Variants in FRMD6 observed in about 807,000 individuals in gnomAD.
FRMD6 encodes the protein FERM domain containing 6, also known as FERM domain-containing protein 6.
In FRMD6, 37 loss-of-function variants were observed where a neutral mutation model predicts 73.2. The observed-to-expected ratio is 0.51, with a 90% CI of 0.39 to 0.66. FRMD6 has a LOEUF of 0.66. Ranked by LOEUF, FRMD6 falls within the 30% of genes least tolerant of loss-of-function variation. FRMD6 has a pLI of 0.00. For missense variants in FRMD6, 714 were observed against 780.5 expected (o/e 0.91, Z 1.02); for synonymous variants, 273 against 282.2 (o/e 0.97, Z 0.33).
intron 3 of FRMD6, among the ~76,000 whole-genome samples, chr14:51,700,545 T>C (rs1447570998): frequency 1.3e-5 from 2 of 152,054 alleles, no homozygotes; most frequent in Non-Finnish European, 2.9e-5. Context: ...GGACAAGAAA[T>C]AGTCTTAAAG....
chr14:51,544,665 C>T (rs1273360815), intron 1 of FRMD6, among the ~76,000 whole-genome samples: 1 of 151,086 alleles, frequency 6.6e-6, no homozygotes, highest in African/African-American at 2.4e-5. Context: ...CGTCTATTAT[C>T]TACTGTTTAC....
chr14:51,643,273 G>C (rs2140039475), intron 2 of FRMD6, among the ~76,000 whole-genome samples: 1 of 152,312 alleles, frequency 6.6e-6, no homozygotes, highest in African/African-American at 2.4e-5. Flanking sequence ...CAGGATTTCA[G>C]AGTGGGATGA....
chr14:51,471,896 C>A, the FRMD6 span, among the ~76,000 whole-genome samples: 2 of 152,144 alleles, frequency 1.3e-5, no homozygotes, highest in Non-Finnish European at 2.9e-5. Context: ...ATTTTATGCC[C>A]TTATAAAGGG....
upstream of FRMD6, among the ~76,000 whole-genome samples, chr14:51,647,886 C>T (rs896537262): frequency 3.3e-5 from 5 of 152,118 alleles, no homozygotes; most frequent in South Asian, 4.1e-4. Flanking sequence ...AGTGCAATGG[C>T]GCGATCTTAG....
At chr14:51,577,652 AAG>A (rs1888480315) in intron 2 of FRMD6, among the ~76,000 whole-genome samples, 8 of 152,210 alleles carry the variant, frequency 5.3e-5, no homozygotes, top group Admixed American at 4.6e-4. Flanking sequence ...TCTGCATGGA[AAG>A]TAGGAGAGGA....
the FRMD6 span, among the ~76,000 whole-genome samples, chr14:51,401,411 GT>G: frequency 6.6e-6 from 1 of 152,172 alleles, no homozygotes; most frequent in Admixed American, 6.5e-5. Context: ...TCTGCTTTGG[GT>G]TTGGCGGACA....
chr14:51,477,593 T>C, the FRMD6 span, among the ~76,000 whole-genome samples: 2 of 152,100 alleles, frequency 1.3e-5, no homozygotes, highest in Non-Finnish European at 2.9e-5. Context: ...TGACAGATGC[T>C]GTTGAAAAAA....
chr14:51,561,702 A>C (rs1887490330), intron 1 of FRMD6, among the ~76,000 whole-genome samples: 1 of 152,332 alleles, frequency 6.6e-6, no homozygotes, highest in Non-Finnish European at 1.5e-5. Flanking sequence ...CTCACTTCCC[A>C]GCAGAGATTT....
chr14:51,533,128 C>G (rs1885684781), intron 1 of FRMD6, among the ~76,000 whole-genome samples: 1 of 152,146 alleles, frequency 6.6e-6, no homozygotes, highest in Non-Finnish European at 1.5e-5. Context: ...TTGATTTTAC[C>G]TAAGTGTAGC....
intron 1 of FRMD6, among the ~76,000 whole-genome samples, chr14:51,505,818 C>T (rs1465117): frequency 6.6e-6 from 1 of 152,284 alleles, no homozygotes; most frequent in East Asian, 1.9e-4. Context: ...TTTCTCTGCT[C>T]TAACCCCGCA....
At chr14:51,510,676 C>T (rs6572766) in intron 1 of FRMD6, among the ~76,000 whole-genome samples, 86,661 of 151,308 alleles carry the variant, frequency 0.57, 25,471 homozygotes, top group South Asian at 0.7. Context: ...TATTAAATCA[C>T]GCGTTGACCA....
At chr14:51,678,609 A>T (rs906481137) in intron 1 of FRMD6, among the ~76,000 whole-genome samples, 1 of 152,110 alleles carries the variant, frequency 6.6e-6, no homozygotes, top group Non-Finnish European at 1.5e-5. Context: ...AAGTCTAAAT[A>T]GTGTATTTAA....
the FRMD6 span, among the ~76,000 whole-genome samples, chr14:51,407,378 T>G: frequency 6.6e-6 from 1 of 151,970 alleles, no homozygotes; most frequent in East Asian, 1.9e-4. Flanking sequence ...TCTGGAATAG[T>G]TTGTGTAATT....
At chr14:51,405,499 T>C in the FRMD6 span, among the ~76,000 whole-genome samples, 6 of 152,184 alleles carry the variant, frequency 3.9e-5, no homozygotes, top group Non-Finnish European at 7.4e-5. Context: ...CTTTTAATAA[T>C]AGCCATTTTG....
chr14:51,489,310 GA>G (rs1006211909), exon 1 of FRMD6: 3 of 152,504 alleles, frequency 2.0e-5, no homozygotes, highest in Non-Finnish European at 4.4e-5. Flanking sequence ...CACAGCAACT[GA>G]AAATTTTGTT....
chr14:51,688,224 AC>A (rs1566565506), intron 1 of FRMD6, among the ~76,000 whole-genome samples: 1 of 152,022 alleles, frequency 6.6e-6, no homozygotes, highest in African/African-American at 2.4e-5. Flanking sequence ...GCCTCCAATG[AC>A]CCCATGAGGT....
chr14:51,704,702 G>A, intron 5 of FRMD6, 47 bp from the exon 6 acceptor site: 1 of 1,509,362 alleles, frequency 6.6e-7, no homozygotes, highest in Admixed American at 1.7e-5. Context: ...ACATGTCATT[G>A]GATTATTCCA....
At chr14:51,719,081 T>C (rs1307320170) in intron 10 of FRMD6, among the ~76,000 whole-genome samples, 1 of 152,224 alleles carries the variant, frequency 6.6e-6, no homozygotes, top group Non-Finnish European at 1.5e-5. Context: ...TTGTATTATT[T>C]CTCACCAGTA....
chr14:51,643,426 C>T (rs949942870), intron 2 of FRMD6: 2 of 152,196 alleles, frequency 1.3e-5, no homozygotes, highest in African/African-American at 4.8e-5. Context: ...TGTGACTAAT[C>T]AACTCATTTA....
Sources: allele counts gnomAD v4.1 joint callset (sites outside exome capture counted in the v4.1 genomes callset), GRCh38; gene constraint gnomAD v4.1.1; transcripts MANE v1.5; gene names NCBI Gene and HGNC (gene_info 2026-07-23, HGNC 2026-07-21).